The following DTNB variants were observed in gnomAD, a reference collection of about 807,000 sequenced individuals.
The protein encoded by DTNB is dystrobrevin beta, also known as DTN-B.
In DTNB, 63 loss-of-function variants were observed where a neutral mutation model predicts 90.7. The ratio of observed to expected loss-of-function variants is 0.69; its 90% CI spans 0.57 to 0.86. The LOEUF (loss-of-function observed/expected upper bound fraction) is 0.86. Among genes scored for constraint, DTNB ranks in the 40% least tolerant of loss-of-function variants. The pLI is 0.00. For missense variants in DTNB, 744 were observed against 807.1 expected, an observed-to-expected ratio of 0.92 and a Z score of 0.95; for synonymous variants, 277 against 286.7, an observed-to-expected ratio of 0.97 and a Z score of 0.34.
chr2:25,452,731 T>C (rs1281723402), intron 11 of DTNB, among the ~76,000 whole-genome samples: 3 of 152,018 alleles, frequency 2.0e-5, no homozygotes, highest in Admixed American at 6.5e-5. Context: ...CAACTATATT[T>C]TTTCTAGTTT....
At chr2:25,578,362 C>T (rs189345116) in intron 7 of DTNB, among the ~76,000 whole-genome samples, 3 of 152,328 alleles carry the variant, frequency 2.0e-5, no homozygotes, top group African/African-American at 7.2e-5. Context: ...ATTAACTATA[C>T]AACCTAGTAT....
intron 4 of DTNB, among the ~76,000 whole-genome samples, chr2:25,616,158 C>A (rs1262368526): frequency 2.6e-5 from 4 of 152,130 alleles, no homozygotes. Context: ...CTGTTGCTAT[C>A]TATGCAGACA....
At chr2:25,632,246 T>A (rs2075941563) in intron 3 of DTNB, among the ~76,000 whole-genome samples, 2 of 130,260 alleles carry the variant, frequency 1.5e-5, no homozygotes, top group African/African-American at 2.8e-5. Context: ...ATAAAGCAAA[T>A]CTCAATAAAT....
At chr2:25,489,336 C>A (rs1316008079) in intron 9 of DTNB, among the ~76,000 whole-genome samples, 1 of 152,050 alleles carries the variant, frequency 6.6e-6, no homozygotes, top group Non-Finnish European at 1.5e-5. Flanking sequence ...ATGTGACAGG[C>A]ACTGTGCTAG....
At chr2:25,389,175 T>C (rs1300768728) in intron 16 of DTNB, among the ~76,000 whole-genome samples, 2 of 152,232 alleles carry the variant, frequency 1.3e-5, no homozygotes, top group African/African-American at 2.4e-5. Context: ...GTCCATTTTA[T>C]AGAAGAAGAA....
chr2:25,377,777 T>A (rs1010372215), intron 20 of DTNB, among the ~76,000 whole-genome samples: 31 of 151,872 alleles, frequency 2.0e-4, no homozygotes, highest in African/African-American at 7.5e-4. Flanking sequence ...CAATGCAAGG[T>A]TTGAATGGGG....
intron 1 of DTNB, among the ~76,000 whole-genome samples, chr2:25,670,389 T>C (rs2085543504): frequency 6.6e-6 from 1 of 151,748 alleles, no homozygotes; most frequent in Non-Finnish European, 1.5e-5. Context: ...GAGTATCAGA[T>C]GAGTTTGTGT....
At chr2:25,523,767 G>C (rs150323525) in intron 9 of DTNB, among the ~76,000 whole-genome samples, 32 of 151,440 alleles carry the variant, frequency 2.1e-4, no homozygotes, top group African/African-American at 6.6e-4. Context: ...AACTCTTTAT[G>C]TCCTCCTAAT....
At chr2:25,594,686 T>C (rs2064232926) in intron 6 of DTNB, among the ~76,000 whole-genome samples, 1 of 152,220 alleles carries the variant, frequency 6.6e-6, no homozygotes. Flanking sequence ...CTTTAAATAA[T>C]TTTCAGACTT....
In DTNB at chr2:25,394,734, G is replaced by A. The variant is rs74644668; in HGVS notation, c.1576-6373C>T. Among the ~76,000 whole-genome samples, 10 of 152,232 alleles carry A rather than the reference G, an allele frequency of 6.6e-5. No homozygotes were observed. In the East Asian group the frequency reaches 1.7e-3, roughly 26 times the overall value. The stretch of plus-strand genomic sequence containing the variant: ...GCAATAAAAAGCTCAAAAAATAATA[G>A]ATGTCGGTGTGAATGCAGTGAAAAA... On this transcript the variant is annotated intron_variant, in intron 16 of 20. Transcript: ENST00000406818.
intron 8 of DTNB, among the ~76,000 whole-genome samples, chr2:25,541,221 G>A (rs2081185998): frequency 6.6e-6 from 1 of 152,106 alleles, no homozygotes; most frequent in East Asian, 1.9e-4. Flanking sequence ...GCTCACGCCT[G>A]TAACCCCAGC....
chr2:25,575,564 C>A (rs963864282), intron 8 of DTNB, among the ~76,000 whole-genome samples: 2 of 152,052 alleles, frequency 1.3e-5, no homozygotes, highest in South Asian at 4.2e-4. Flanking sequence ...GATGAAGGAA[C>A]TAGAGTTAAG....
At chr2:25,585,806 T>A (rs573321542) in intron 6 of DTNB, among the ~76,000 whole-genome samples, 1 of 152,312 alleles carries the variant, frequency 6.6e-6, no homozygotes, top group South Asian at 2.1e-4. Context: ...CTGAGTATAG[T>A]TACAGAGATA....
intron 14 of DTNB, among the ~76,000 whole-genome samples, chr2:25,430,005 T>C (rs963317373): frequency 2.6e-5 from 4 of 152,178 alleles, no homozygotes; most frequent in Admixed American, 2.0e-4. Flanking sequence ...TCCAAATCAT[T>C]ATCTACTTTT....
At chr2:25,434,944 C>A (rs2149987290) in intron 12 of DTNB, among the ~76,000 whole-genome samples, 1 of 152,192 alleles carries the variant, frequency 6.6e-6, no homozygotes, top group Admixed American at 6.5e-5. Context: ...GTATCAAGTT[C>A]TCAATAGTAA....
chr2:25,661,424 C>G (rs1036122845), intron 1 of DTNB, among the ~76,000 whole-genome samples: 1 of 152,162 alleles, frequency 6.6e-6, no homozygotes, highest in Non-Finnish European at 1.5e-5. Context: ...TAAAAAGTTG[C>G]ACATAATAAC....
intron 10 of DTNB, among the ~76,000 whole-genome samples, chr2:25,465,339 G>A (rs2061596342): frequency 6.7e-6 from 1 of 149,754 alleles, no homozygotes; most frequent in South Asian, 2.1e-4. Context: ...TCGAGCCACT[G>A]CATTCCAGCC....
chr2:25,529,313 G>A (rs188617690), intron 9 of DTNB, among the ~76,000 whole-genome samples: 31 of 152,218 alleles, frequency 2.0e-4, no homozygotes, highest in Admixed American at 8.5e-4. Context: ...TGCAGAAAGC[G>A]AGCGGCTGGG....
At chr2:25,492,067 C>A (rs955119103) in intron 9 of DTNB, among the ~76,000 whole-genome samples, 1 of 152,012 alleles carries the variant, frequency 6.6e-6, no homozygotes, top group African/African-American at 2.4e-5. Flanking sequence ...TTCAGGAAAA[C>A]ACTTAAGGAT....
Sources: gnomAD v4.1 joint callset for allele counts (sites outside exome capture counted in the v4.1 genomes callset) on GRCh38, gnomAD v4.1.1 for gene constraint, MANE v1.5 for transcripts, NCBI Gene and HGNC (gene_info 2026-07-23, HGNC 2026-07-21) for gene names.